GPC5: variants seen among roughly 807,000 people sequenced by gnomAD.
GPC5 encodes the protein glypican-5.
Under a neutral mutation model 53.9 loss-of-function variants are expected in GPC5, and 47 were observed. The observed-to-expected ratio is 0.87, with a 90% CI of 0.69 to 1.11. The LOEUF (loss-of-function observed/expected upper bound fraction) is 1.11. Among genes scored for constraint, GPC5 ranks in the 50% most tolerant of loss-of-function variants. The probability of loss-of-function intolerance (pLI) is 0.00; values close to 1 mark genes in which losing one functional copy is unlikely to be tolerated. For synonymous variants in GPC5, 286 were observed against 263.3 expected, an observed-to-expected ratio of 1.09 and a Z score of -0.84; for missense variants, 748 against 713.1, an observed-to-expected ratio of 1.05 and a Z score of -0.56.
At chr13:91,959,754 G>C (rs1484040286) in intron 6 of GPC5, among the ~76,000 whole-genome samples, 1 of 151,884 alleles carries the variant, frequency 6.6e-6, no homozygotes, top group Non-Finnish European at 1.5e-5. Context: ...TATATCGTAA[G>C]ATATCATGAT....
chr13:91,760,119 CA>C lies in GPC5; in HGVS notation c.1280+3707del, dbSNP rs571330930. On this transcript the variant is annotated intron_variant, in intron 5 of 7. Coordinates refer to ENST00000377067, the MANE Select transcript of GPC5 (RefSeq NM_004466.6). ...ATTGTTTTTTATGTTTTATAATTCTCAAAAAAAAGTAAAAATTAACGTTGTA... is the reference window on the plus strand; with the variant it reads ...ATTGTTTTTTATGTTTTATAATTCTCAAAAAAAGTAAAAATTAACGTTGTA... 2.4e-3 allele frequency among the ~76,000 whole-genome samples: 357 copies of C among 151,176 alleles called. 2 individuals carry two copies. The highest frequency in any genetic ancestry group is 8.2e-3 in the African/African-American group (337 of 41,274).
At chr13:91,471,945 A>G (rs891858761) in intron 2 of GPC5, among the ~76,000 whole-genome samples, 1 of 152,114 alleles carries the variant, frequency 6.6e-6, no homozygotes, top group African/African-American at 2.4e-5. Context: ...GCCATTCTCC[A>G]ATTTGAAATT....
intron 7 of GPC5, among the ~76,000 whole-genome samples, chr13:92,331,679 A>AG (rs1238859590): frequency 1.7e-5 from 2 of 120,288 alleles, no homozygotes; most frequent in African/African-American, 6.7e-5. Flanking sequence ...TAATATACAT[A>AG]GGGTTTTTTT....
intron 7 of GPC5, among the ~76,000 whole-genome samples, chr13:92,397,541 C>T (rs1196314869): frequency 6.6e-6 from 1 of 152,176 alleles, no homozygotes; most frequent in Non-Finnish European, 1.5e-5. Flanking sequence ...ATGTTTCTAT[C>T]TTTGTATGAT....
intron 6 of GPC5, among the ~76,000 whole-genome samples, chr13:92,084,351 T>G (rs753449480): frequency 6.6e-6 from 1 of 152,236 alleles, no homozygotes; most frequent in South Asian, 2.1e-4. Flanking sequence ...GGTCACATCT[T>G]TATAGGCATT....
chr13:91,968,457 C>CT (rs1232035384), intron 6 of GPC5, among the ~76,000 whole-genome samples: 1 of 151,230 alleles, frequency 6.6e-6, no homozygotes, highest in Admixed American at 6.6e-5. Flanking sequence ...AATGATGCTT[C>CT]TTTTTTTTTC....
At chr13:91,413,733 G>C (rs185453257) in intron 1 of GPC5, among the ~76,000 whole-genome samples, 31 of 152,186 alleles carry the variant, frequency 2.0e-4, no homozygotes, top group Non-Finnish European at 7.4e-5. Context: ...TGATCATCTT[G>C]GCTCTGATGT....
chr13:92,543,592 T>C (rs1882001464), intron 7 of GPC5, among the ~76,000 whole-genome samples: 2 of 152,068 alleles, frequency 1.3e-5, no homozygotes, highest in African/African-American at 4.8e-5. Flanking sequence ...GCCACTTCAG[T>C]TTCAGCATAA....
chr13:92,124,983 C>T (rs564248008), intron 6 of GPC5, among the ~76,000 whole-genome samples: 31 of 152,256 alleles, frequency 2.0e-4, no homozygotes, highest in African/African-American at 6.0e-4. Flanking sequence ...AGTAATGCAG[C>T]GTTCCTTCCT....
chr13:92,334,347 C>T (rs180876043), intron 7 of GPC5, among the ~76,000 whole-genome samples: 6 of 152,176 alleles, frequency 3.9e-5, no homozygotes, highest in African/African-American at 4.8e-5. Context: ...ATCATGAGAA[C>T]AGCATGAGAA....
chr13:91,498,982 G>GA (rs879735446), intron 2 of GPC5, among the ~76,000 whole-genome samples: 2 of 140,520 alleles, frequency 1.4e-5, no homozygotes, highest in African/African-American at 5.0e-5. Flanking sequence ...CAAAAAAAAA[G>GA]AAAAAAGGAA....
At chr13:92,261,214 T>A (rs1050526081) in intron 7 of GPC5, among the ~76,000 whole-genome samples, 2 of 152,174 alleles carry the variant, frequency 1.3e-5, no homozygotes, top group African/African-American at 4.8e-5. Flanking sequence ...AGTTACCAAA[T>A]AATTTTGTGA....
intron 7 of GPC5, among the ~76,000 whole-genome samples, chr13:92,725,253 G>C (rs1439432409): frequency 6.6e-6 from 1 of 151,162 alleles, no homozygotes; most frequent in Non-Finnish European, 1.5e-5. Flanking sequence ...TCATAAATTT[G>C]CTACTATGCT....
At chr13:91,898,506 G>T (rs544784819) in intron 5 of GPC5, among the ~76,000 whole-genome samples, 3 of 152,144 alleles carry the variant, frequency 2.0e-5, no homozygotes, top group South Asian at 4.1e-4. Context: ...TATAGTGCTT[G>T]TGCCTTTTAT....
chr13:92,172,662 A>C (rs899525646), intron 7 of GPC5, among the ~76,000 whole-genome samples: 6 of 152,150 alleles, frequency 3.9e-5, no homozygotes, highest in Admixed American at 3.9e-4. Context: ...CACCTTGAAA[A>C]TATTTTCAGA....
At chr13:92,179,277 C>T (rs951878899) in intron 7 of GPC5, among the ~76,000 whole-genome samples, 3 of 152,118 alleles carry the variant, frequency 2.0e-5, no homozygotes, top group Non-Finnish European at 4.4e-5. Context: ...AGGATAATAT[C>T]CTGGTTTATA....
intron 5 of GPC5, among the ~76,000 whole-genome samples, chr13:91,765,317 A>T (rs1000595678): frequency 2.6e-5 from 4 of 152,222 alleles, no homozygotes; most frequent in African/African-American, 9.6e-5. Flanking sequence ...GTTCTCTTCA[A>T]CTTCAATCCT....
chr13:92,203,158 A>C (rs976514978), intron 7 of GPC5, among the ~76,000 whole-genome samples: 2 of 152,082 alleles, frequency 1.3e-5, no homozygotes, highest in Non-Finnish European at 2.9e-5. Context: ...TTTAAAACCA[A>C]ATCATGCTGC....
chr13:92,234,824 C>T (rs181439638), intron 7 of GPC5, among the ~76,000 whole-genome samples: 1 of 152,218 alleles, frequency 6.6e-6, no homozygotes, highest in Admixed American at 6.5e-5. Flanking sequence ...CTTTCTATAT[C>T]CACTGTCTCT....
Sources: allele counts gnomAD v4.1 joint callset (sites outside exome capture counted in the v4.1 genomes callset), GRCh38; gene constraint gnomAD v4.1.1; transcripts MANE v1.5; gene names NCBI Gene and HGNC (gene_info 2026-07-23, HGNC 2026-07-21).